The following STRN3 variants were observed in gnomAD, a reference collection of about 807,000 sequenced individuals.
STRN3 encodes striatin 3, also known as striatin-3.
A neutral mutation model predicts 95.6 loss-of-function variants in STRN3; 29 were observed. The observed-to-expected ratio is 0.30, with a 90% CI of 0.23 to 0.41. The LOEUF is 0.41. Ranked by LOEUF, STRN3 falls within the 10% of genes least tolerant of loss-of-function variation. STRN3 has a pLI of 1.00. For synonymous variants in STRN3, 331 were observed against 357.6 expected (o/e 0.93, Z 0.84); for missense variants, 890 against 972.1 (o/e 0.92, Z 1.12).
intron 1 of STRN3, among the ~76,000 whole-genome samples, chr14:30,995,791 C>T (rs1439108363): frequency 3.9e-5 from 6 of 152,286 alleles, no homozygotes; most frequent in Non-Finnish European, 5.9e-5. Flanking sequence ...AAAACTCACA[C>T]GAGGCTACAT....
intron 4 of STRN3, among the ~76,000 whole-genome samples, chr14:30,950,617 G>T (rs568316711): frequency 6.6e-6 from 1 of 152,216 alleles, no homozygotes; most frequent in South Asian, 2.1e-4. Context: ...ATTTTATATT[G>T]TTTTTGTTCT....
chr14:30,929,967 A>AAAAAAAAAAAAAACAAAAAAAC (rs1555317336), intron 7 of STRN3, among the ~76,000 whole-genome samples: 26 of 91,196 alleles, frequency 2.9e-4, no homozygotes, highest in African/African-American at 8.8e-4. Flanking sequence ...AAAAAAAAAA[A>AAAAAAAAAAAAAACAAAAAAAC]AAAAAAAAAA....
At chr14:31,002,741 G>A (rs1325881706) in intron 1 of STRN3, among the ~76,000 whole-genome samples, 2 of 152,048 alleles carry the variant, frequency 1.3e-5, no homozygotes, top group Non-Finnish European at 2.9e-5. Context: ...TCACAAAAAG[G>A]CATTTGTATG....
intron 1 of STRN3, among the ~76,000 whole-genome samples, chr14:30,991,645 C>A (rs2139261439): frequency 6.6e-6 from 1 of 152,110 alleles, no homozygotes; most frequent in South Asian, 2.1e-4. Context: ...GATACACTAA[C>A]TTTACCAGAG....
intron 8 of STRN3, among the ~76,000 whole-genome samples, chr14:30,924,432 G>A (rs1256060089): frequency 6.6e-6 from 1 of 151,656 alleles, no homozygotes; most frequent in Admixed American, 6.6e-5. Flanking sequence ...GGGACTACAG[G>A]CATGAGCCAC....
At chr14:30,978,803 C>T (rs1462719932) in intron 1 of STRN3, among the ~76,000 whole-genome samples, 1 of 152,056 alleles carries the variant, frequency 6.6e-6, no homozygotes, top group African/African-American at 2.4e-5. Context: ...GAGGCCAGGG[C>T]AGGCAGATCA....
At chr14:30,944,681 T>C (rs902300064) in intron 5 of STRN3, among the ~76,000 whole-genome samples, 1 of 148,960 alleles carries the variant, frequency 6.7e-6, no homozygotes, top group African/African-American at 2.5e-5. Flanking sequence ...TGCAATGGCA[T>C]GATCTCAGCT....
At chr14:30,909,696 T>C (rs983270023) in intron 13 of STRN3, among the ~76,000 whole-genome samples, 1 of 152,124 alleles carries the variant, frequency 6.6e-6, no homozygotes, top group Non-Finnish European at 1.5e-5. Flanking sequence ...CAGGCTGGTC[T>C]TGAACTCCTG....
At chr14:30,931,737 A>G (rs1027032645) in intron 7 of STRN3, among the ~76,000 whole-genome samples, 1 of 152,266 alleles carries the variant, frequency 6.6e-6, no homozygotes, top group Admixed American at 6.5e-5. Flanking sequence ...AACTAAAAAT[A>G]ACTAATATTA....
In STRN3 at chr14:30,968,945, TA is replaced by T. The variant is rs952421850; in HGVS notation, c.283-12704del. Among the ~76,000 whole-genome samples the T allele has an allele frequency of 7.4e-4, 113 of 152,036 alleles. 1 individual carries two copies. Among genetic ancestry groups the T allele is most frequent in the Admixed American group, 5.0e-3 (77 of 15,266 alleles). On this transcript the variant is annotated intron_variant, in intron 1 of 17. Coordinates refer to ENST00000357479, the MANE Select transcript of STRN3 (RefSeq NM_001083893.2). Reference sequence around the variant, plus strand: ...TGAATTTTTACCTACATTAAAAGGTTAAAAAAAATATATATTTTGTTTCAAA... The same window carrying T: ...TGAATTTTTACCTACATTAAAAGGTTAAAAAAATATATATTTTGTTTCAAA...
intron 1 of STRN3, among the ~76,000 whole-genome samples, chr14:30,968,463 C>T (rs1227828977): frequency 2.7e-5 from 4 of 150,486 alleles, no homozygotes; most frequent in South Asian, 2.1e-4. Flanking sequence ...GGGCGGATCA[C>T]GAGGTCAGGA....
chr14:30,925,119 G>GCAT (rs1896990893), intron 8 of STRN3, among the ~76,000 whole-genome samples: 1 of 151,822 alleles, frequency 6.6e-6, no homozygotes. Context: ...AAGATAAAGT[G>GCAT]CATCTCAATT....
chr14:30,897,080 T>A (rs894992757), intron 16 of STRN3, among the ~76,000 whole-genome samples: 1 of 152,196 alleles, frequency 6.6e-6, no homozygotes, highest in Non-Finnish European at 1.5e-5. Context: ...ATTACTCAAA[T>A]GCCTGGGATG....
At chr14:31,017,333 A>G (rs1245345582) in intron 1 of STRN3, among the ~76,000 whole-genome samples, 1 of 150,748 alleles carries the variant, frequency 6.6e-6, no homozygotes, top group Non-Finnish European at 1.5e-5. Flanking sequence ...CCCCGTCTCT[A>G]CTAAAAATAC....
intron 1 of STRN3, among the ~76,000 whole-genome samples, chr14:30,981,274 A>C (rs1881384941): frequency 6.6e-6 from 1 of 152,026 alleles, no homozygotes; most frequent in Admixed American, 6.6e-5. Flanking sequence ...TGACTGCACC[A>C]CTGCACTCCA....
chr14:31,017,179 CAA>C (rs1261663670), intron 1 of STRN3, among the ~76,000 whole-genome samples: 1 of 151,770 alleles, frequency 6.6e-6, no homozygotes, highest in Non-Finnish European at 1.5e-5. Context: ...AAAAGTGTAA[CAA>C]CTATTTACAT....
At chr14:31,011,931 A>C (rs1231718164) in intron 1 of STRN3, among the ~76,000 whole-genome samples, 2 of 152,206 alleles carry the variant, frequency 1.3e-5, no homozygotes, top group African/African-American at 2.4e-5. Context: ...AATAAAAAAA[A>C]ATTAGTTGGG....
intron 1 of STRN3, among the ~76,000 whole-genome samples, chr14:30,978,022 A>G (rs1480978187): frequency 6.6e-6 from 1 of 152,180 alleles, no homozygotes. Context: ...AAAGTTAATA[A>G]TCTTCAAAAA....
intron 1 of STRN3, among the ~76,000 whole-genome samples, chr14:31,007,455 C>A (rs758367972): frequency 1.3e-5 from 2 of 151,984 alleles, no homozygotes; most frequent in African/African-American, 4.8e-5. Context: ...GCAAATAACT[C>A]CAAATAAAAC....
Sources: allele counts gnomAD v4.1 joint callset (sites outside exome capture counted in the v4.1 genomes callset), GRCh38; gene constraint gnomAD v4.1.1; transcripts MANE v1.5; gene names NCBI Gene and HGNC (gene_info 2026-07-23, HGNC 2026-07-21).